Variants in CSMD1 observed in about 807,000 individuals in gnomAD.
The protein encoded by CSMD1 is CUB and sushi domain-containing protein 1.
A neutral mutation model predicts 417.5 loss-of-function variants in CSMD1; 213 were observed. That is an observed-to-expected ratio of 0.51 (90% confidence interval 0.46 to 0.57). The LOEUF is 0.57. Among genes scored for constraint, CSMD1 ranks in the 20% least tolerant of loss-of-function variants. CSMD1 has a pLI of 0.00. For missense variants in CSMD1, 6,923 were observed against 4,529.7 expected, an observed-to-expected ratio of 1.53 and a Z score of -15.17; for synonymous variants, 2,862 against 1,736.8, an observed-to-expected ratio of 1.65 and a Z score of -16.11.
intron 18 of CSMD1, among the ~76,000 whole-genome samples, chr8:3,382,497 G>GTAAATTTATATA (rs1436794458): frequency 2.2e-5 from 1 of 45,212 alleles, no homozygotes; most frequent in African/African-American, 7.3e-5. Flanking sequence ...AATTAGTTAT[G>GTAAATTTATATA]TATATAAATT....
intron 49 of CSMD1, among the ~76,000 whole-genome samples, chr8:3,083,579 T>C (rs1814262413): frequency 7.6e-6 from 1 of 131,582 alleles, no homozygotes; most frequent in Non-Finnish European, 1.6e-5. Context: ...CAGGTCATGC[T>C]CTCCATCCAC....
chr8:3,331,828 G>A (rs2593604), intron 23 of CSMD1, among the ~76,000 whole-genome samples: 1,929 of 152,230 alleles, frequency 0.013, 27 homozygotes, highest in Non-Finnish European at 0.017. Context: ...TTCTTTATGT[G>A]TAAACTTGAT....
chr8:4,957,990 G>C (rs576473687), intron 1 of CSMD1, among the ~76,000 whole-genome samples: 1 of 152,134 alleles, frequency 6.6e-6, no homozygotes, highest in Non-Finnish European at 1.5e-5. Flanking sequence ...TTCCATAATT[G>C]TGTGATGTCA....
intron 5 of CSMD1, among the ~76,000 whole-genome samples, chr8:3,986,106 T>A (rs542236332): frequency 3.1e-4 from 47 of 152,128 alleles, no homozygotes; most frequent in Middle Eastern, 3.4e-3. Flanking sequence ...ATCTGGGAGC[T>A]ACAAGTTCAG....
At chr8:3,846,063 A>C (rs1361023642) in intron 5 of CSMD1, among the ~76,000 whole-genome samples, 1 of 147,822 alleles carries the variant, frequency 6.8e-6, no homozygotes, top group Admixed American at 6.8e-5. Flanking sequence ...GTTAAAATTA[A>C]AAAAAAAATA....
intron 1 of CSMD1, among the ~76,000 whole-genome samples, chr8:4,650,081 A>C (rs1238298492): frequency 6.6e-6 from 1 of 152,202 alleles, no homozygotes; most frequent in Non-Finnish European, 1.5e-5. Flanking sequence ...AATAGTCATA[A>C]AAATATCAAT....
chr8:2,976,655 T>C (rs560717153), intron 55 of CSMD1, among the ~76,000 whole-genome samples: 1 of 152,344 alleles, frequency 6.6e-6, no homozygotes, highest in South Asian at 2.1e-4. Context: ...GGCCTCCACT[T>C]TCTTTATGGA....
intron 2 of CSMD1, among the ~76,000 whole-genome samples, chr8:4,619,052 G>A (rs902141123): frequency 6.6e-6 from 1 of 152,104 alleles, no homozygotes; most frequent in African/African-American, 2.4e-5. Flanking sequence ...CTCTGCTCAA[G>A]CATTTTTTCC....
At chr8:3,110,123 A>C in intron 43 of CSMD1, 35 bp downstream of exon 43, 2 of 1,549,302 alleles carry the variant, frequency 1.3e-6, no homozygotes, top group South Asian at 2.4e-5. Context: ...TGTTGATCAC[A>C]ATTACAGATA....
chr8:4,460,957 TATAG>T (rs1182351192), intron 2 of CSMD1, among the ~76,000 whole-genome samples: 6 of 152,132 alleles, frequency 3.9e-5, no homozygotes, highest in Admixed American at 3.3e-4. Context: ...CAGACATAGT[TATAG>T]ATAGAAACTA....
chr8:4,243,700 G>A (rs922298206), intron 3 of CSMD1, among the ~76,000 whole-genome samples: 1 of 151,964 alleles, frequency 6.6e-6, no homozygotes, highest in Non-Finnish European at 1.5e-5. Context: ...TCCATCTCAT[G>A]GTATCGTACA....
chr8:4,004,648 T>G (rs890119681), intron 4 of CSMD1, among the ~76,000 whole-genome samples: 10 of 152,164 alleles, frequency 6.6e-5, no homozygotes, highest in Non-Finnish European at 1.3e-4. Flanking sequence ...TTCAATAAAT[T>G]TGTGTATGAA....
intron 26 of CSMD1, among the ~76,000 whole-genome samples, chr8:3,235,697 C>T (rs1799108755): frequency 6.6e-6 from 1 of 152,124 alleles, no homozygotes; most frequent in East Asian, 1.9e-4. Flanking sequence ...CAGTGCCTTG[C>T]ACTAGTGGTT....
intron 3 of CSMD1, among the ~76,000 whole-genome samples, chr8:4,118,539 G>C (rs1165948485): frequency 6.6e-6 from 1 of 152,064 alleles, no homozygotes. Context: ...AACCAAAATG[G>C]GATACCATCT....
intron 3 of CSMD1, among the ~76,000 whole-genome samples, chr8:4,303,672 T>C (rs1000094505): frequency 2.0e-5 from 3 of 152,074 alleles, no homozygotes; most frequent in Non-Finnish European, 2.9e-5. Flanking sequence ...ATTTATTTTT[T>C]TGAGATGTAG....
intron 3 of CSMD1, among the ~76,000 whole-genome samples, chr8:4,207,213 A>G (rs796752595): frequency 2.6e-5 from 4 of 152,194 alleles, no homozygotes; most frequent in Admixed American, 6.5e-5. Flanking sequence ...TGAATGTGAA[A>G]AGTTGTATAA....
intron 3 of CSMD1, among the ~76,000 whole-genome samples, chr8:4,056,549 T>G (rs1009335303): frequency 2.6e-5 from 4 of 152,022 alleles, no homozygotes; most frequent in African/African-American, 7.2e-5. Flanking sequence ...ATTATTATTA[T>G]TATAGTTTAA....
At chr8:4,298,665 G>A (rs192648957) in intron 3 of CSMD1, among the ~76,000 whole-genome samples, 2 of 152,028 alleles carry the variant, frequency 1.3e-5, no homozygotes, top group Non-Finnish European at 2.9e-5. Flanking sequence ...GTTCTAAGAA[G>A]TTATTTCATT....
intron 26 of CSMD1, among the ~76,000 whole-genome samples, chr8:3,254,627 T>C (rs988993987): frequency 6.6e-6 from 1 of 152,218 alleles, no homozygotes; most frequent in African/African-American, 2.4e-5. Flanking sequence ...CATTTGATCT[T>C]CCATCACTGA....
Sources: allele counts gnomAD v4.1 joint callset (sites outside exome capture counted in the v4.1 genomes callset), GRCh38; gene constraint gnomAD v4.1.1; transcripts MANE v1.5; gene names NCBI Gene and HGNC (gene_info 2026-07-23, HGNC 2026-07-21).